The following AFF3 variants were observed in gnomAD, a reference collection of about 807,000 sequenced individuals.
AFF3 encodes the protein ALF transcription elongation factor 3, also known as AF4/FMR2 family member 3.
Under a neutral mutation model 129.7 loss-of-function variants are expected in AFF3, and 32 were observed. The observed-to-expected ratio is 0.25, with a 90% CI of 0.19 to 0.33. The LOEUF is 0.33. AFF3 is among the 10% of genes least tolerant of loss of function. The pLI, the probability that AFF3 is intolerant of heterozygous loss-of-function variation, is 1.00. For missense variants in AFF3, 1,373 were observed against 1,592.0 expected (o/e 0.86, Z 2.34); for synonymous variants, 644 against 635.4 (o/e 1.01, Z -0.20).
At chr2:99,712,261 A>G (rs1677963973) in intron 11 of AFF3, among the ~76,000 whole-genome samples, 1 of 152,358 alleles carries the variant, frequency 6.6e-6, no homozygotes, top group East Asian at 1.9e-4. Context: ...TCAGGGAGCC[A>G]TATATTCTAG....
chr2:99,706,509 T>C (rs1217905091), intron 11 of AFF3, among the ~76,000 whole-genome samples: 1 of 152,250 alleles, frequency 6.6e-6, no homozygotes, highest in Non-Finnish European at 1.5e-5. Flanking sequence ...GAGCCTGGCT[T>C]TGGAAGTTTT....
intron 7 of AFF3, among the ~76,000 whole-genome samples, chr2:99,999,227 C>CATCA (rs2104663815): frequency 6.6e-6 from 1 of 152,306 alleles, no homozygotes; most frequent in East Asian, 1.9e-4. Context: ...TGTTTACATA[C>CATCA]ATCAGTAAAT....
At chr2:99,630,270 G>A (rs1020560823) in intron 13 of AFF3, among the ~76,000 whole-genome samples, 4 of 152,148 alleles carry the variant, frequency 2.6e-5, no homozygotes, top group African/African-American at 9.7e-5. Context: ...AGGTTAACAC[G>A]GAAATGTTAA....
chr2:99,575,328 C>T lies in AFF3; in HGVS notation c.2918+2999G>A, dbSNP rs1393643679. Among the ~76,000 whole-genome samples, 4 of 151,884 alleles carry T rather than the reference C, an allele frequency of 2.6e-5. No individual in the cohort carries two copies. In the East Asian group the frequency reaches 5.8e-4, roughly 22 times the overall value. The stretch of plus-strand genomic sequence containing the variant: ...AGATTGGAGTGCAATGGCATGATCT[C>T]GGCTCACTGCAACCTCCGCTTCCTG... On this transcript the variant is annotated intron_variant, in intron 18 of 24. Coordinates refer to ENST00000672756, the MANE Select transcript of AFF3 (RefSeq NM_001386135.1).
chr2:99,551,141 G>C lies in AFF3; in HGVS notation c.*333C>G. On this transcript the variant is annotated 3_prime_UTR_variant, in exon 25 of 25. Coordinates refer to ENST00000672756, the MANE Select transcript of AFF3 (RefSeq NM_001386135.1). The stretch of plus-strand genomic sequence containing the variant: ...ATAGAAAGTGTGTGTCTGTGATTGT[G>C]TGTGAGTGTACGGTGTGTGTGTGTG... 4 of 442,562 alleles carry C rather than the reference G, an allele frequency of 9.0e-6. No individual in the cohort carries two copies. The highest frequency in any genetic ancestry group is 1.6e-5 in the Non-Finnish European group (4 of 250,772). The allele number at this position is 442,562 out of a possible 1,614,324, so 27.4% of individuals were successfully genotyped here. A position where few individuals can be genotyped will look rare whatever the true frequency, so the allele number is the denominator to read the frequency against.
At chr2:99,896,292 T>C (rs937640605) in intron 7 of AFF3, among the ~76,000 whole-genome samples, 10 of 152,062 alleles carry the variant, frequency 6.6e-5, no homozygotes, top group African/African-American at 2.4e-4. Context: ...ACATTCTGCA[T>C]TGAGGAGTTT....
At chr2:100,018,823 C>T (rs769357777) in intron 4 of AFF3, among the ~76,000 whole-genome samples, 41 of 152,116 alleles carry the variant, frequency 2.7e-4, no homozygotes, top group Non-Finnish European at 5.1e-4. Context: ...AGCACAGGGC[C>T]GTCATCAATC....
chr2:100,042,506 G>A (rs1489443681), intron 4 of AFF3, among the ~76,000 whole-genome samples: 1 of 152,208 alleles, frequency 6.6e-6, no homozygotes, highest in Non-Finnish European at 1.5e-5. Flanking sequence ...ACAGATGAAT[G>A]CTGTGCTAGA....
At chr2:99,604,186 A>C (rs1221618162) in intron 13 of AFF3, among the ~76,000 whole-genome samples, 1 of 152,240 alleles carries the variant, frequency 6.6e-6, no homozygotes, top group African/African-American at 2.4e-5. Flanking sequence ...TGTTCACTGC[A>C]ACACTATTCA....
chr2:100,129,410 G>C (rs1692329034), intron 1 of AFF3, 104 bp from the exon 2 acceptor site: 2 of 149,816 alleles, frequency 1.3e-5, no homozygotes, highest in South Asian at 4.2e-4. Flanking sequence ...GTGTGTGTGT[G>C]TGTGTGTATA....
chr2:99,563,483 C>T (rs1675674186), intron 20 of AFF3, among the ~76,000 whole-genome samples: 1 of 151,230 alleles, frequency 6.6e-6, no homozygotes, highest in Admixed American at 6.6e-5. Context: ...AGCCACCGCG[C>T]CCAGAAAATT....
intron 15 of AFF3, among the ~76,000 whole-genome samples, chr2:99,592,630 T>C (rs1195485690): frequency 1.3e-5 from 2 of 152,184 alleles, no homozygotes; most frequent in Non-Finnish European, 2.9e-5. Context: ...TAATTACCTA[T>C]AACTATAAAA....
At chr2:99,688,295 T>C (rs1203809519) in intron 11 of AFF3, among the ~76,000 whole-genome samples, 8 of 152,184 alleles carry the variant, frequency 5.3e-5, no homozygotes, top group Non-Finnish European at 8.8e-5. Flanking sequence ...AGAATTACCA[T>C]GTGCTGCCCA....
At chr2:99,954,230 A>C (rs1279729611) in intron 7 of AFF3, among the ~76,000 whole-genome samples, 2 of 152,070 alleles carry the variant, frequency 1.3e-5, no homozygotes, top group African/African-American at 4.8e-5. Context: ...CAAAAAAAAA[A>C]CCCACTTAAT....
intron 7 of AFF3, among the ~76,000 whole-genome samples, chr2:99,904,299 T>C (rs1263362084): frequency 2.6e-5 from 4 of 152,110 alleles, no homozygotes; most frequent in African/African-American, 9.7e-5. Flanking sequence ...TCATGTTCTA[T>C]CTTTAAAATA....
intron 7 of AFF3, among the ~76,000 whole-genome samples, chr2:99,929,650 T>C (rs531767896): frequency 6.6e-6 from 1 of 152,336 alleles, no homozygotes; most frequent in African/African-American, 2.4e-5. Context: ...AAGCACACTC[T>C]GACATCACGT....
chr2:99,639,992 T>A (rs1174168300), intron 13 of AFF3, among the ~76,000 whole-genome samples: 4 of 152,080 alleles, frequency 2.6e-5, no homozygotes, highest in African/African-American at 9.7e-5. Context: ...CCAGGATGAC[T>A]TTTTTCCGTG....
chr2:100,063,335 G>A (rs570598493), intron 4 of AFF3, among the ~76,000 whole-genome samples: 13 of 151,248 alleles, frequency 8.6e-5, no homozygotes, highest in African/African-American at 2.9e-4. Context: ...GCATAACAAC[G>A]TGAATGTACT....
chr2:100,010,111 G>A (rs565569889), intron 4 of AFF3, among the ~76,000 whole-genome samples: 6 of 152,270 alleles, frequency 3.9e-5, no homozygotes, highest in East Asian at 1.9e-4. Flanking sequence ...AAGCAGGGGC[G>A]TTTCATGGCA....
Sources: gnomAD v4.1 joint callset for allele counts (sites outside exome capture counted in the v4.1 genomes callset) on GRCh38, gnomAD v4.1.1 for gene constraint, MANE v1.5 for transcripts, NCBI Gene and HGNC (gene_info 2026-07-23, HGNC 2026-07-21) for gene names.